The following RAB19 variants were observed in gnomAD, a reference collection of about 807,000 sequenced individuals.
The protein encoded by RAB19 is ras-related protein Rab-19.
RAB19 carries 21 observed loss-of-function variants against 17.3 expected under a neutral mutation model. The observed-to-expected ratio is 1.21, with a 90% CI of 0.86 to 1.74. The LOEUF is 1.74. RAB19 is among the 40% of genes most tolerant of loss of function. RAB19 has a pLI of 0.00. For missense variants in RAB19, 277 were observed against 286.8 expected, an observed-to-expected ratio of 0.97 and a Z score of 0.25; for synonymous variants, 126 against 110.4, an observed-to-expected ratio of 1.14 and a Z score of -0.88.
chr7:140,420,945 T>C (rs1304414909), intron 3 of RAB19, among the ~76,000 whole-genome samples: 1 of 152,124 alleles, frequency 6.6e-6, no homozygotes, highest in African/African-American at 2.4e-5. Context: ...CAGGTTGGAG[T>C]GCAGTGGCGC....
Position 140,426,260 on chromosome 7 carries a change from G to C in RAB19, c.*110G>C. ...GCGCTTTAGACCCCAGCGTGGACTT[G>C]CCGCTCACCCCTAATCCTCCCAGTC... On this transcript the variant is annotated 3_prime_UTR_variant, in exon 4 of 4. Transcript: ENST00000537763. The C allele has an allele frequency of 7.8e-7, 1 of 1,280,854 alleles. No individual in the cohort carries two copies. Among genetic ancestry groups the C allele is most frequent in the Non-Finnish European group, 1.1e-6 (1 of 941,492 alleles). The allele number at this position is 1,280,854 out of a possible 1,614,324, so 79.3% of individuals were successfully genotyped here.
chr7:140,413,741 T>G (rs1413937582), intron 3 of RAB19, among the ~76,000 whole-genome samples: 1 of 152,102 alleles, frequency 6.6e-6, no homozygotes, highest in Non-Finnish European at 1.5e-5. Flanking sequence ...GCAACTGTTA[T>G]GTCCTAGTAG....
chr7:140,415,856 G>A (rs1799447587), intron 3 of RAB19, among the ~76,000 whole-genome samples: 1 of 151,504 alleles, frequency 6.6e-6, no homozygotes, highest in African/African-American at 2.4e-5. Flanking sequence ...AGTGAGCTGA[G>A]ATCACACCAG....
At position 140,427,088 on chromosome 7, in the gene RAB19, C is replaced by T. The variant is rs1479282026; in HGVS notation, c.*938C>T. On this transcript the variant is annotated 3_prime_UTR_variant, in exon 4 of 4. Transcript: ENST00000537763. The stretch of plus-strand genomic sequence containing the variant: ...AACTCCTGAGCTCAGGTGATCTGCC[C>T]ACCTTGGCTTCCCAAAGTGCTGGGA... Among the ~76,000 whole-genome samples, 2 of 151,240 alleles carry T rather than the reference C, an allele frequency of 1.3e-5. No individual in the cohort carries two copies. Among genetic ancestry groups the T allele is most frequent in the Non-Finnish European group, 2.9e-5 (2 of 67,850 alleles).
At chr7:140,407,879 C>CT in intron 2 of RAB19, 32 bp downstream of exon 2, 14 of 848,164 alleles carry the variant, frequency 1.7e-5, no homozygotes, top group African/African-American at 1.9e-5. Flanking sequence ...ACTGGTTCCA[C>CT]CTTTTTTTTT....
At position 140,405,754 on chromosome 7, in the gene RAB19, A is replaced by C. The variant is rs2130076133; in HGVS notation, c.-24+1537A>C. Among the ~76,000 whole-genome samples, 4 of 146,092 alleles carry C rather than the reference A, an allele frequency of 2.7e-5. No individual in the cohort carries two copies. In the South Asian group the frequency reaches 6.5e-4, roughly 24 times the overall value. ...TGCAGTTTTGAGATCATACCACTGC[A>C]CTCCAGCCTCGGTGACAGAGCGAGA... On this transcript the variant is annotated intron_variant, in intron 1 of 3. Transcript: ENST00000537763.
At position 140,426,593 on chromosome 7, in the gene RAB19, C is replaced by T. The variant is rs190069238; in HGVS notation, c.*443C>T. On this transcript the variant is annotated 3_prime_UTR_variant, in exon 4 of 4. Transcript: ENST00000537763. ...CTGGAACAGTTTGAAACAGCTCAGGCAGGGAGAATGGAACGAAAGCCTGCA... is the reference window on the plus strand; with the variant it reads ...CTGGAACAGTTTGAAACAGCTCAGGTAGGGAGAATGGAACGAAAGCCTGCA... 3.3e-5 allele frequency among the ~76,000 whole-genome samples: 5 copies of T among 152,240 alleles called. No individual in the cohort carries two copies. The highest frequency in any genetic ancestry group is 1.2e-4 in the African/African-American group (5 of 41,556).
chr7:140,408,655 T>C (rs12671002), intron 2 of RAB19, among the ~76,000 whole-genome samples: 26,805 of 151,830 alleles, frequency 0.18, 2,443 homozygotes, highest in East Asian at 0.26. Flanking sequence ...TTTGTATTTT[T>C]AGTAGAGATA....
intron 1 of RAB19, among the ~76,000 whole-genome samples, chr7:140,407,191 G>C (rs1012710239): frequency 2.6e-5 from 4 of 152,092 alleles, no homozygotes; most frequent in South Asian, 2.1e-4. Flanking sequence ...GGCCTGGATG[G>C]TCAGTCTTAC....
At chr7:140,410,001 A>C (rs1418642329) in intron 2 of RAB19, among the ~76,000 whole-genome samples, 2 of 150,802 alleles carry the variant, frequency 1.3e-5, no homozygotes, top group African/African-American at 2.4e-5. Context: ...TCAAAAAAAA[A>C]AAAAAAAAAA....
intron 3 of RAB19, among the ~76,000 whole-genome samples, chr7:140,421,525 A>G (rs1433602988): frequency 6.6e-6 from 1 of 152,052 alleles, no homozygotes; most frequent in African/African-American, 2.4e-5. Flanking sequence ...ACGCCCAGCT[A>G]ATTTTTATAT....
chr7:140,423,235 T>C (rs1179039326), intron 3 of RAB19, among the ~76,000 whole-genome samples: 1 of 150,966 alleles, frequency 6.6e-6, no homozygotes, highest in African/African-American at 2.4e-5. Flanking sequence ...AGGTCGGGAG[T>C]TCAAGGCCAG....
At chr7:140,408,567 C>T (rs1799292599) in intron 2 of RAB19, among the ~76,000 whole-genome samples, 1 of 152,094 alleles carries the variant, frequency 6.6e-6, no homozygotes, top group Non-Finnish European at 1.5e-5. Flanking sequence ...TCTCTGCCTC[C>T]TGGGCTCAAG....
chr7:140,414,193 C>T (rs1053889838), intron 3 of RAB19, among the ~76,000 whole-genome samples: 6 of 152,032 alleles, frequency 3.9e-5, no homozygotes, highest in Non-Finnish European at 4.4e-5. Flanking sequence ...TACAGGCTCC[C>T]GCCACCACAC....
At chr7:140,411,696 C>A in intron 2 of RAB19, 178 bp from the exon 3 acceptor site, 3 of 1,410,336 alleles carry the variant, frequency 2.1e-6, no homozygotes, top group Non-Finnish European at 2.8e-6. Context: ...AGGAGGATAT[C>A]CAAGTCATCC....
intron 3 of RAB19, 149 bp downstream of exon 3, chr7:140,412,206 CTT>C: frequency 1.2e-6 from 1 of 835,056 alleles, no homozygotes; most frequent in Non-Finnish European, 1.9e-6. Flanking sequence ...AATCCCAGCA[CTT>C]TGGGAGGCTG....
intron 2 of RAB19, among the ~76,000 whole-genome samples, chr7:140,410,562 A>G (rs1266278788): frequency 6.6e-6 from 1 of 151,614 alleles, no homozygotes; most frequent in African/African-American, 2.4e-5. Context: ...TCCTGACCTC[A>G]TGATCCACCC....
Position 140,427,141 on chromosome 7 carries a change from CTTTTTTTTT to C in RAB19, c.*1004_*1012del, listed in dbSNP as rs34940659. Reference sequence around the variant, plus strand: ...ACAGGCATGAGCCACCATGCCTGTTCTTTTTTTTTTTTTTTTTTTTTGAGACTGAGTCTC... The same window carrying C: ...ACAGGCATGAGCCACCATGCCTGTTCTTTTTTTTTTTTGAGACTGAGTCTC... On this transcript the variant is annotated 3_prime_UTR_variant, in exon 4 of 4. Transcript: ENST00000537763. Among the ~76,000 whole-genome samples, 1 of 94,438 alleles carries C rather than the reference CTTTTTTTTT, an allele frequency of 1.1e-5. No homozygotes were observed. The highest frequency in any genetic ancestry group is 2.0e-5 in the Non-Finnish European group (1 of 49,944). 62.0% of individuals were successfully genotyped at this position (94,438 alleles called of 152,430 possible).
rs1554442795 is a variant in RAB19, at chr7:140,424,639, A to ATGTGTGTG, written c.386-1239_386-1232dup. On this transcript the variant is annotated intron_variant, in intron 3 of 3. Transcript: ENST00000537763. ...TCTCTCTATATATATATATATATAT[A>ATGTGTGTG]TGTGTGTGTGTATATATGTGTGTGT... is the stretch of plus-strand genomic sequence containing the variant. Among the ~76,000 whole-genome samples, 7 of 138,370 alleles carry ATGTGTGTG rather than the reference A, an allele frequency of 5.1e-5. No homozygotes were observed. In the East Asian group the frequency reaches 6.4e-4, roughly 13 times the overall value. 90.8% of individuals were successfully genotyped at this position (138,370 alleles called of 152,430 possible).
Sources: allele counts gnomAD v4.1 joint callset (sites outside exome capture counted in the v4.1 genomes callset), GRCh38; gene constraint gnomAD v4.1.1; transcripts MANE v1.5; gene names NCBI Gene and HGNC (gene_info 2026-07-23, HGNC 2026-07-21).